CFAP97: variants seen among roughly 807,000 people sequenced by gnomAD.
The protein encoded by CFAP97 is cilia- and flagella-associated protein 97.
Under a neutral mutation model 43.1 loss-of-function variants are expected in CFAP97, and 36 were observed. That is an observed-to-expected ratio of 0.84 (90% CI 0.64 to 1.10). The LOEUF is 1.10. CFAP97 is among the 50% of genes least tolerant of loss of function. The probability of loss-of-function intolerance (pLI) is 0.00; values close to 1 mark genes in which losing one functional copy is unlikely to be tolerated. For missense variants in CFAP97, 657 were observed against 620.3 expected (o/e 1.06, Z -0.63); for synonymous variants, 228 against 225.7 (o/e 1.01, Z -0.09).
intron 3 of CFAP97, among the ~76,000 whole-genome samples, chr4:185,164,827 G>A (rs1735005842): frequency 1.3e-5 from 2 of 152,186 alleles, no homozygotes; most frequent in South Asian, 4.1e-4. Context: ...GATGTAATAG[G>A]AGTTATAATG....
intron 1 of CFAP97, among the ~76,000 whole-genome samples, chr4:185,192,855 C>T (rs1201683870): frequency 6.6e-6 from 1 of 150,472 alleles, no homozygotes; most frequent in Non-Finnish European, 1.5e-5. Flanking sequence ...ATTCTCCTGC[C>T]TCAGCCTCCC....
At chr4:185,197,898 G>T (rs1219648331) in intron 1 of CFAP97, among the ~76,000 whole-genome samples, 3 of 152,140 alleles carry the variant, frequency 2.0e-5, no homozygotes, top group African/African-American at 7.2e-5. Context: ...GAAAGCAAAG[G>T]AAAAATTCTT....
upstream of CFAP97, among the ~76,000 whole-genome samples, chr4:185,208,994 C>T (rs966694830): frequency 6.6e-6 from 1 of 152,118 alleles, no homozygotes; most frequent in African/African-American, 2.4e-5. Flanking sequence ...TGGTAAAAAA[C>T]AAAAAACAAA....
Position 185,191,057 on chromosome 4 carries a change from T to C in CFAP97, c.140A>G (p.Asp47Gly), listed in dbSNP as rs1736229882. The change falls in exon 2 of 5, where the codon GAT (aspartate) becomes GGT (glycine). Residue 47 changes from aspartate (D) to glycine (G), a missense_variant. By Grantham distance (94) the Asp-to-Gly change is moderately conservative (BLOSUM62 -1). Coordinates refer to ENST00000458385, the MANE Select transcript of CFAP97 (RefSeq NM_020827.3). ...AGTGTTCGAATTTACATTTTTTGTA[T>C]CTTTATCTATTCTTTCCTTTGGGTC... Reference protein sequence around the residue: ...NDDPKERIDKDTKNVNSNTGM... With the variant: ...NDDPKERIDKGTKNVNSNTGM... 1.2e-6 allele frequency: 2 copies of C among 1,613,526 alleles called. No homozygotes were observed. Among genetic ancestry groups the C allele is most frequent in the East Asian group, 2.2e-5 (1 of 44,854 alleles).
chr4:185,170,305 C>G, intron 3 of CFAP97: 1 of 634,450 alleles, frequency 1.6e-6, no homozygotes. Flanking sequence ...AAGATCACGT[C>G]ACTGCACTCC....
chr4:185,208,698 A>C (rs548184085), upstream of CFAP97, among the ~76,000 whole-genome samples: 6 of 152,060 alleles, frequency 3.9e-5, no homozygotes, highest in Non-Finnish European at 1.5e-5. Context: ...ACTGCACTCC[A>C]GCCTGGGCAA....
intron 3 of CFAP97, among the ~76,000 whole-genome samples, chr4:185,173,147 T>C (rs934526635): frequency 2.0e-5 from 3 of 151,922 alleles, no homozygotes; most frequent in Non-Finnish European, 4.4e-5. Context: ...GAGGATCATG[T>C]GGTCAGGAGA....
rs752834502 is a variant in CFAP97 at position 185,164,192 on chromosome 4, C to CAAA, written c.1321-14_1321-13insTTT. 1.2e-6 allele frequency: 2 copies of CAAA among 1,611,776 alleles called. No individual in the cohort carries two copies. Among genetic ancestry groups the CAAA allele is most frequent in the South Asian group, 2.2e-5 (2 of 90,744 alleles). ...TTTTCAATAAAGCCTTCAATAAAGA[C>CAAA]AATTAATTTGAAAGGCAAGGTTAAA... On this transcript the variant is annotated splice_polypyrimidine_tract_variant and intron_variant, in intron 3 of 4. Coordinates refer to ENST00000458385, the MANE Select transcript of CFAP97 (RefSeq NM_020827.3).
chr4:185,203,302 C>G (rs1389587485), intron 1 of CFAP97, among the ~76,000 whole-genome samples: 1 of 152,218 alleles, frequency 6.6e-6, no homozygotes. Context: ...CCAGCAATAA[C>G]AAGACTAATG....
At position 185,190,292 on chromosome 4, in the gene CFAP97, G is replaced by T; in HGVS notation, c.905C>A (p.Ser302Ter). ...TTTTTTGGCTGCTTTCAAATATTTT[G>T]AATTATTTTTCAAATCCTCAACATC... ...YEDVEDLKNN[S>*]KYLKAAKKGK... is the part of the protein sequence containing the mutation. Residue 302 changes from serine (S) to a stop codon, truncating the protein, a stop_gained, in exon 2 of 5, where the codon TCA becomes TAA. Transcript: ENST00000458385. LOFTEE classifies it high-confidence loss of function. The T allele has an allele frequency of 6.2e-7, 1 of 1,609,164 alleles. No homozygotes were observed. The highest frequency in any genetic ancestry group is 1.1e-5 in the South Asian group (1 of 90,546).
intron 1 of CFAP97, among the ~76,000 whole-genome samples, chr4:185,197,727 A>G (rs1421527907): frequency 6.6e-6 from 1 of 152,168 alleles, no homozygotes; most frequent in East Asian, 1.9e-4. Flanking sequence ...CGAAAAGTTT[A>G]AATTTTCCTA....
chr4:185,201,886 C>T (rs373251883), intron 1 of CFAP97, among the ~76,000 whole-genome samples: 16 of 152,112 alleles, frequency 1.1e-4, no homozygotes, highest in Admixed American at 3.9e-4. Flanking sequence ...TTTTAAACAC[C>T]GTATAGAAAC....
chr4:185,183,940 A>G (rs1303436450), intron 2 of CFAP97, among the ~76,000 whole-genome samples: 1 of 152,222 alleles, frequency 6.6e-6, no homozygotes, highest in Non-Finnish European at 1.5e-5. Context: ...CAATTTAATT[A>G]TAATTGGGGA....
chr4:185,165,442 G>T (rs908446770), intron 3 of CFAP97, among the ~76,000 whole-genome samples: 1 of 152,158 alleles, frequency 6.6e-6, no homozygotes, highest in African/African-American at 2.4e-5. Context: ...TTTCTTAAAA[G>T]GTGAAAGAGT....
chr4:185,167,175 C>A (rs995955227), intron 3 of CFAP97, among the ~76,000 whole-genome samples: 1 of 152,074 alleles, frequency 6.6e-6, no homozygotes, highest in Non-Finnish European at 1.5e-5. Context: ...AGTTAAAAAA[C>A]AACAGTTCAG....
chr4:185,160,036 G>A lies in CFAP97; in HGVS notation c.*2762C>T, dbSNP rs1033080776. On this transcript the variant is annotated 3_prime_UTR_variant, in exon 5 of 5. Coordinates refer to ENST00000458385, the MANE Select transcript of CFAP97 (RefSeq NM_020827.3). The stretch of plus-strand genomic sequence containing the variant: ...CCATGACCGTCACCTTCCTAAAGCT[G>A]TCTCGATATCTACTGTGGACACTCA... 2 of 152,174 alleles carry A rather than the reference G, an allele frequency of 1.3e-5. No homozygotes were observed. Among genetic ancestry groups the A allele is most frequent in the Non-Finnish European group, 2.9e-5 (2 of 68,040 alleles). The allele number at this position is 152,174 out of a possible 1,614,324, so 9.4% of individuals were successfully genotyped here.
chr4:185,205,604 G>C (rs182287957), upstream of CFAP97, among the ~76,000 whole-genome samples: 2 of 152,162 alleles, frequency 1.3e-5, no homozygotes, highest in Admixed American at 6.5e-5. Flanking sequence ...TGAGGTGGGC[G>C]GATCACCTGA....
chr4:185,210,224 C>T (rs967760824), upstream of CFAP97: 11 of 984,738 alleles, frequency 1.1e-5, no homozygotes, highest in African/African-American at 1.9e-4. The surrounding 1 kb of genome is among the most constrained non-coding windows in gnomAD (Gnocchi z 4.4). Context: ...AGCCGGCTGG[C>T]CGCGACCTCA....
chr4:185,171,127 A>T (rs1735288239), intron 3 of CFAP97, among the ~76,000 whole-genome samples: 1 of 152,026 alleles, frequency 6.6e-6, no homozygotes, highest in African/African-American at 2.4e-5. Flanking sequence ...TCATCATTAC[A>T]TTATTTATTT....
Sources: allele counts gnomAD v4.1 joint callset (sites outside exome capture counted in the v4.1 genomes callset), GRCh38; gene constraint gnomAD v4.1.1; non-coding constraint Gnocchi (gnomAD v3.1); transcripts MANE v1.5; gene names NCBI Gene and HGNC (gene_info 2026-07-23, HGNC 2026-07-21).